Variants in MEGF10 observed in about 807,000 individuals in gnomAD.
MEGF10 encodes the protein multiple EGF like domains 10, also known as multiple epidermal growth factor-like domains protein 10.
A neutral mutation model predicts 147.5 loss-of-function variants in MEGF10; 86 were observed. The ratio of observed to expected loss-of-function variants is 0.58; its 90% CI spans 0.49 to 0.70. MEGF10 has a LOEUF of 0.70. Among genes scored for constraint, MEGF10 ranks in the 30% least tolerant of loss-of-function variants. The pLI is 0.00. For missense variants in MEGF10, 1,329 were observed against 1,487.3 expected (o/e 0.89, Z 1.75); for synonymous variants, 478 against 525.5 (o/e 0.91, Z 1.24).
chr5:127,413,025 T>C (rs1454840251), intron 9 of MEGF10, among the ~76,000 whole-genome samples: 1 of 152,206 alleles, frequency 6.6e-6, no homozygotes, highest in African/African-American at 2.4e-5. Flanking sequence ...GGTTATGTCA[T>C]GTTCGCTAAT....
chr5:127,316,406 A>T (rs1051061845), intron 1 of MEGF10, among the ~76,000 whole-genome samples: 1 of 152,196 alleles, frequency 6.6e-6, no homozygotes, highest in Admixed American at 6.5e-5. Context: ...TTAACTATTA[A>T]TTAAGCCATT....
intron 4 of MEGF10, among the ~76,000 whole-genome samples, chr5:127,369,509 A>G (rs1166600115): frequency 2.0e-5 from 3 of 151,776 alleles, no homozygotes; most frequent in Admixed American, 6.6e-5. Flanking sequence ...TAATCATAAT[A>G]CTCCCCATCT....
At chr5:127,268,467 T>C in the MEGF10 span, among the ~76,000 whole-genome samples, 2 of 151,720 alleles carry the variant, frequency 1.3e-5, no homozygotes, top group African/African-American at 4.8e-5. Flanking sequence ...AATTCCTGGA[T>C]ATCCTTGTTA....
At chr5:127,341,678 G>A (rs1299391167) in intron 4 of MEGF10, among the ~76,000 whole-genome samples, 1 of 152,018 alleles carries the variant, frequency 6.6e-6, no homozygotes, top group East Asian at 1.9e-4. Flanking sequence ...AATAATACAT[G>A]TTCATAGAAA....
chr5:127,445,095 CTCTT>C (rs1765892715), intron 19 of MEGF10, among the ~76,000 whole-genome samples: 1 of 152,134 alleles, frequency 6.6e-6, no homozygotes, highest in African/African-American at 2.4e-5. Flanking sequence ...AAAATCCTGT[CTCTT>C]TCTTTATATT....
At chr5:127,435,896 G>A (rs918125922) in intron 16 of MEGF10, among the ~76,000 whole-genome samples, 3 of 152,122 alleles carry the variant, frequency 2.0e-5, no homozygotes, top group Non-Finnish European at 2.9e-5. Context: ...GAACCTGAGC[G>A]AACTGCCCAC....
the MEGF10 span, among the ~76,000 whole-genome samples, chr5:127,261,012 T>C: frequency 6.6e-6 from 1 of 152,326 alleles, no homozygotes; most frequent in Admixed American, 6.5e-5. Flanking sequence ...TGGGGCGCTC[T>C]GCTCCAAAGC....
chr5:127,378,519 C>G (rs1216025732), intron 5 of MEGF10, among the ~76,000 whole-genome samples: 1 of 152,182 alleles, frequency 6.6e-6, no homozygotes, highest in African/African-American at 2.4e-5. Flanking sequence ...GTGGTGTGAC[C>G]ATAGCTCACT....
At chr5:127,421,421 C>T (rs915061553) in intron 12 of MEGF10, among the ~76,000 whole-genome samples, 11 of 152,216 alleles carry the variant, frequency 7.2e-5, no homozygotes, top group African/African-American at 2.7e-4. Flanking sequence ...TGTTCCTCCT[C>T]TGTGGTAATT....
At chr5:127,244,367 G>GAAAAAA in the MEGF10 span, among the ~76,000 whole-genome samples, 1 of 105,628 alleles carries the variant, frequency 9.5e-6, no homozygotes. Context: ...GCGAGACTCC[G>GAAAAAA]AAAAAAAAAA....
intron 8 of MEGF10, among the ~76,000 whole-genome samples, chr5:127,406,519 A>G (rs1409361520): frequency 6.6e-6 from 1 of 152,216 alleles, no homozygotes; most frequent in African/African-American, 2.4e-5. Flanking sequence ...AAAGGCCTTG[A>G]TAGGCTGGGG....
At chr5:127,353,076 T>C (rs896069986) in intron 4 of MEGF10, among the ~76,000 whole-genome samples, 2 of 152,236 alleles carry the variant, frequency 1.3e-5, no homozygotes, top group Non-Finnish European at 2.9e-5. Context: ...AAATCTCTTG[T>C]CTTCTCCTAC....
the MEGF10 span, among the ~76,000 whole-genome samples, chr5:127,285,757 C>G: frequency 2.6e-5 from 4 of 151,954 alleles, no homozygotes; most frequent in Non-Finnish European, 4.4e-5. Context: ...TTCTTGCTGG[C>G]TGTAATAAAA....
At chr5:127,457,029 A>G (rs1766384655) in intron 24 of MEGF10, 99 bp from the exon 25 acceptor site, 3 of 1,202,086 alleles carry the variant, frequency 2.5e-6, no homozygotes, top group Non-Finnish European at 1.1e-6. Context: ...ATATTTTTTT[A>G]AAAGTCCCTT....
rs374433460 is a variant in MEGF10, at chr5:127,440,884, G to A, written c.2362+17G>A. ...GTGAGCAGAGTAAGTATGAGAGTGT[G>A]GCATCACTGGGTGGTATTTTTTTCC... On this transcript the variant is annotated intron_variant, in intron 18 of 24. Coordinates refer to ENST00000503335, the MANE Select transcript of MEGF10 (RefSeq NM_001256545.2). 1 of 1,608,632 alleles carries A rather than the reference G, an allele frequency of 6.2e-7. No homozygotes were observed. Among genetic ancestry groups the A allele is most frequent in the South Asian group, 1.1e-5 (1 of 90,048 alleles).
chr5:127,433,999 C>T (rs376217591), intron 14 of MEGF10, among the ~76,000 whole-genome samples: 2 of 152,096 alleles, frequency 1.3e-5, no homozygotes, highest in South Asian at 2.1e-4. Context: ...TGACATTGGT[C>T]CTTAAGACTT....
intron 2 of MEGF10, among the ~76,000 whole-genome samples, chr5:127,334,738 A>G (rs141073303): frequency 6.6e-6 from 1 of 152,118 alleles, no homozygotes; most frequent in African/African-American, 2.4e-5. Flanking sequence ...TTTTCCATTC[A>G]GTGGGGTTTC....
the MEGF10 span, among the ~76,000 whole-genome samples, chr5:127,284,817 CAT>C: frequency 1.3e-5 from 2 of 152,060 alleles, no homozygotes; most frequent in Non-Finnish European, 2.9e-5. Flanking sequence ...GCTTTTAAAT[CAT>C]AGATTTAGAA....
chr5:127,368,423 C>T lies in MEGF10; in HGVS notation c.320-1487C>T, dbSNP rs146920069. On this transcript the variant is annotated intron_variant, in intron 4 of 24. Coordinates refer to ENST00000503335, the MANE Select transcript of MEGF10 (RefSeq NM_001256545.2). ...TTGTGTTTTCCAAAATTTATGGCCA[C>T]TTTATTTCATTGTGGTGTCCTCTCC... Among the ~76,000 whole-genome samples the T allele has an allele frequency of 3.1e-3, 478 of 152,244 alleles. 1 individual carries two copies. The Middle Eastern group carries it at 0.054, about 17-fold the overall frequency.
Sources: allele counts gnomAD v4.1 joint callset (sites outside exome capture counted in the v4.1 genomes callset), GRCh38; gene constraint gnomAD v4.1.1; transcripts MANE v1.5; gene names NCBI Gene and HGNC (gene_info 2026-07-23, HGNC 2026-07-21).